ZBTB10: variants seen among roughly 807,000 people sequenced by gnomAD.
The protein encoded by ZBTB10 is zinc finger and BTB domain-containing protein 10.
ZBTB10 carries 32 observed loss-of-function variants against 76.4 expected under a neutral mutation model. The observed-to-expected ratio is 0.42, with a 90% CI of 0.32 to 0.56. ZBTB10 has a LOEUF of 0.56. Ranked by LOEUF, ZBTB10 falls within the 20% of genes least tolerant of loss-of-function variation. The pLI, the probability that ZBTB10 is intolerant of heterozygous loss-of-function variation, is 0.14. For missense variants in ZBTB10, 1,057 were observed against 1,098.5 expected, an observed-to-expected ratio of 0.96 and a Z score of 0.53; for synonymous variants, 523 against 432.9, an observed-to-expected ratio of 1.21 and a Z score of -2.58.
chr8:80,518,098 C>G (rs943152988), intron 3 of ZBTB10, among the ~76,000 whole-genome samples: 1 of 151,784 alleles, frequency 6.6e-6, no homozygotes, highest in African/African-American at 2.4e-5. Context: ...AACTCCTGGG[C>G]TCAAGTGATC....
intron 2 of ZBTB10, among the ~76,000 whole-genome samples, chr8:80,511,766 CTTCAGATACCATGA>C (rs1816200054): frequency 6.6e-6 from 1 of 152,148 alleles, no homozygotes. Flanking sequence ...CCAAATTATT[CTTCAGATACCATGA>C]ATTAAAACTA....
chr8:80,489,008 TTTG>T (rs1026593397), intron 1 of ZBTB10, among the ~76,000 whole-genome samples: 4 of 144,146 alleles, frequency 2.8e-5, no homozygotes, highest in Admixed American at 7.2e-5. Context: ...TAGTAGGGTT[TTTG>T]TTGTTGTTTT....
chr8:80,502,931 A>T (rs909484208), intron 2 of ZBTB10, among the ~76,000 whole-genome samples: 12 of 152,162 alleles, frequency 7.9e-5, no homozygotes, highest in African/African-American at 2.9e-4. Context: ...ACTTGGGAGC[A>T]TTACATGCCG....
intron 1 of ZBTB10, among the ~76,000 whole-genome samples, chr8:80,488,387 ACTTT>A (rs1403754460): frequency 1.3e-5 from 2 of 152,120 alleles, no homozygotes; most frequent in Non-Finnish European, 2.9e-5. Context: ...TCTCTGTTGA[ACTTT>A]CTTACTACGG....
intron 1 of ZBTB10, among the ~76,000 whole-genome samples, chr8:80,490,590 C>T (rs923444317): frequency 1.3e-5 from 2 of 152,150 alleles, no homozygotes; most frequent in Admixed American, 1.3e-4. Context: ...CCTTCAGAGA[C>T]TTTGTGGCCA....
At chr8:80,498,052 G>T (rs1004952912) in intron 1 of ZBTB10, among the ~76,000 whole-genome samples, 4 of 152,260 alleles carry the variant, frequency 2.6e-5, no homozygotes, top group Middle Eastern at 3.4e-3. Context: ...TAGTTTCAGA[G>T]AATTGAGATG....
At chr8:80,510,114 T>G (rs1051136768) in intron 2 of ZBTB10, among the ~76,000 whole-genome samples, 5 of 152,176 alleles carry the variant, frequency 3.3e-5, no homozygotes, top group African/African-American at 1.2e-4. Context: ...CCTTAAGATT[T>G]TGGAGAATAT....
intron 3 of ZBTB10, among the ~76,000 whole-genome samples, chr8:80,517,040 G>A (rs530467662): frequency 6.6e-6 from 1 of 152,276 alleles, no homozygotes; most frequent in East Asian, 1.9e-4. Flanking sequence ...CAGTATAGTT[G>A]GAATAGAGTG....
rs891624396 is a variant in ZBTB10, at chr8:80,522,990, G to A, written c.*3462G>A. On this transcript the variant is annotated 3_prime_UTR_variant, in exon 6 of 6. Coordinates refer to ENST00000455036, the MANE Select transcript of ZBTB10 (RefSeq NM_001105539.3). ...TAGGATTTTCTGAACATAGCATGAA[G>A]GGTTTAGATTCATTTTTCTGAAAAA... The A allele has an allele frequency of 2.0e-5, 3 of 151,580 alleles. No homozygotes were observed. Among genetic ancestry groups the A allele is most frequent in the Non-Finnish European group, 4.4e-5 (3 of 67,796 alleles). 9.4% of individuals were successfully genotyped at this position (151,580 alleles called of 1,614,324 possible). A position where few individuals can be genotyped will look rare whatever the true frequency, so the allele number is the denominator to read the frequency against.
intron 2 of ZBTB10, among the ~76,000 whole-genome samples, chr8:80,506,619 C>T (rs985710399): frequency 6.7e-6 from 1 of 148,728 alleles, no homozygotes; most frequent in Admixed American, 6.7e-5. Flanking sequence ...AGGCGTGAGC[C>T]AGCACGCCCT....
At position 80,520,671 on chromosome 8, in the gene ZBTB10, TA is replaced by T. The variant is rs2131522555; in HGVS notation, c.*1144del. On this transcript the variant is annotated 3_prime_UTR_variant, in exon 6 of 6. Coordinates refer to ENST00000455036, the MANE Select transcript of ZBTB10 (RefSeq NM_001105539.3). ...TTGAAATTATGATCAATACTTAATT[TA>T]TTTTTTTCTGTCCTTGAAGTCACTA... 6.6e-6 allele frequency: 1 copy of T among 152,168 alleles called. No individual in the cohort carries two copies. The highest frequency in any genetic ancestry group is 2.1e-4 in the South Asian group (1 of 4,822). 9.4% of individuals were successfully genotyped at this position (152,168 alleles called of 1,614,324 possible).
intron 3 of ZBTB10, among the ~76,000 whole-genome samples, chr8:80,514,610 T>C (rs1354660248): frequency 1.3e-5 from 2 of 152,248 alleles, no homozygotes; most frequent in East Asian, 3.8e-4. Flanking sequence ...TTAATGGGCT[T>C]GTCCCCCTAT....
At position 80,487,390 on chromosome 8, in the gene ZBTB10, G is replaced by C; in HGVS notation, c.580G>C (p.Gly194Arg). The change falls in exon 1 of 6, where the codon GGC (glycine) becomes CGC (arginine). Residue 194 changes from glycine (G) to arginine (R), a missense_variant. By Grantham distance (125) the Gly-to-Arg change is moderately radical. Around this residue, in one of 5 missense-constraint regions of ZBTB10, gnomAD observed 556 missense variants for 451.7 expected, o/e 1.23. Coordinates refer to ENST00000455036, the MANE Select transcript of ZBTB10 (RefSeq NM_001105539.3). ...GGACGAGGAGGAGGGGGCGAGCCTG[G>C]GCGACGGCAGCGGGGCGGAAGGCGG... The part of the protein sequence containing the change: ...TEDEEEGASL[G>R]DGSGAEGGSC... 1 of 1,533,758 alleles carries C rather than the reference G, an allele frequency of 6.5e-7. No individual in the cohort carries two copies. Among genetic ancestry groups the C allele is most frequent in the Non-Finnish European group, 8.8e-7 (1 of 1,137,446 alleles).
Position 80,486,459 on chromosome 8 carries a change from T to C in ZBTB10, c.-352T>C, listed in dbSNP as rs1815454158. 1.0e-6 allele frequency: 1 copy of C among 984,864 alleles called. No individual in the cohort carries two copies. 61.0% of individuals were successfully genotyped at this position (984,864 alleles called of 1,614,324 possible). ...GGGGCAGCGGAGGGTCTCCCCGCAC[T>C]CCGCTGCTCAACTTCGAAGGCCTCG... On this transcript the variant is annotated 5_prime_UTR_variant, in exon 1 of 6. Transcript: ENST00000455036.
chr8:80,501,335 A>AT (rs1190656658), intron 2 of ZBTB10, among the ~76,000 whole-genome samples: 6 of 152,206 alleles, frequency 3.9e-5, no homozygotes, highest in Non-Finnish European at 8.8e-5. Flanking sequence ...TACAGTGGGA[A>AT]TTTTTTTAAA....
In ZBTB10 at chr8:80,486,361, T is replaced by C. The variant is rs1815448909; in HGVS notation, c.-450T>C. 21 of 987,038 alleles carry C rather than the reference T, an allele frequency of 2.1e-5. No individual in the cohort carries two copies. Among genetic ancestry groups the C allele is most frequent in the Non-Finnish European group, 2.5e-5 (21 of 832,636 alleles). 61.1% of individuals were successfully genotyped at this position (987,038 alleles called of 1,614,324 possible). A position where few individuals can be genotyped will look rare whatever the true frequency, so the allele number is the denominator to read the frequency against. On this transcript the variant is annotated 5_prime_UTR_variant, in exon 1 of 6. Transcript: ENST00000455036. ...AGCGCCTGCGAAGCCGGCGGCGGCG[T>C]CGGGACTCCTCGGCGCGCGGAGGAA...
chr8:80,487,303 C>T lies in ZBTB10; in HGVS notation c.493C>T (p.Leu165=). The change falls in exon 1 of 6, where the codon CTG becomes TTG. Residue 165 remains leucine (L), a synonymous_variant. Coordinates refer to ENST00000455036, the MANE Select transcript of ZBTB10 (RefSeq NM_001105539.3). ...AGGGCCGGCGACTGTGGATCTGGAG[C>T]TGGACGCGCTGGAGGGGAAGGAGTT... ...GRGPATVDLE[L]DALEGKELMQ... The T allele has an allele frequency of 6.5e-7, 1 of 1,545,420 alleles. No individual in the cohort carries two copies. The highest frequency in any genetic ancestry group is 8.7e-7 in the Non-Finnish European group (1 of 1,144,428).
Position 80,486,263 on chromosome 8 carries a change from GA to G in ZBTB10, c.-545del, listed in dbSNP as rs1815445340. ...ACCTCCGCCAGGGCCTGGTCGGACG[GA>G]AACGCTCCGCCGGCTTTATTGTCGC... On this transcript the variant is annotated 5_prime_UTR_variant, in exon 1 of 6. Coordinates refer to ENST00000455036, the MANE Select transcript of ZBTB10 (RefSeq NM_001105539.3). The G allele has an allele frequency of 2.0e-6, 2 of 1,020,586 alleles. No individual in the cohort carries two copies. The highest frequency in any genetic ancestry group is 2.3e-6 in the Non-Finnish European group (2 of 854,188). The allele number at this position is 1,020,586 out of a possible 1,614,324, so 63.2% of individuals were successfully genotyped here.
At chr8:80,515,890 A>G (rs1816314235) in intron 3 of ZBTB10, among the ~76,000 whole-genome samples, 1 of 152,224 alleles carries the variant, frequency 6.6e-6, no homozygotes, top group South Asian at 2.1e-4. Flanking sequence ...AATTACAATG[A>G]CAGTACCTTT....
Sources: allele counts gnomAD v4.1 joint callset (sites outside exome capture counted in the v4.1 genomes callset), GRCh38; gene constraint gnomAD v4.1.1; regional missense constraint gnomAD v4.1.1; transcripts MANE v1.5; gene names NCBI Gene and HGNC (gene_info 2026-07-23, HGNC 2026-07-21).